The following CEP57 variants were observed in gnomAD, a reference collection of about 807,000 sequenced individuals.
The protein encoded by CEP57 is centrosomal protein 57.
A neutral mutation model predicts 68.0 loss-of-function variants in CEP57; 40 were observed. The ratio of observed to expected loss-of-function variants is 0.59; its 90% CI spans 0.46 to 0.77. The LOEUF is 0.77. Among genes scored for constraint, CEP57 ranks in the 30% least tolerant of loss-of-function variants. The pLI, the probability that CEP57 is intolerant of heterozygous loss-of-function variation, is 0.00. For missense variants in CEP57, 606 were observed against 580.7 expected, an observed-to-expected ratio of 1.04 and a Z score of -0.45; for synonymous variants, 219 against 198.7, an observed-to-expected ratio of 1.10 and a Z score of -0.86.
At chr11:95,817,209 T>C (rs1003929684) in intron 4 of CEP57, among the ~76,000 whole-genome samples, 2 of 146,834 alleles carry the variant, frequency 1.4e-5, no homozygotes, top group African/African-American at 5.1e-5. Context: ...CTACTAAAAA[T>C]ACAAAAAATT....
upstream of CEP57, chr11:95,790,429 C>T (rs1860959005): frequency 1.8e-6 from 1 of 555,004 alleles, no homozygotes; most frequent in African/African-American, 1.9e-5. Context: ...GAGGCGGATT[C>T]TCTCCTACTA....
rs538950619 is a variant in CEP57 at position 95,821,777 on chromosome 11, A to G, written c.700-94A>G. 453 of 817,242 alleles carry G rather than the reference A, an allele frequency of 5.5e-4. 1 individual carries two copies. The East Asian group carries it at 0.011, about 20-fold the overall frequency. 50.6% of individuals were successfully genotyped at this position (817,242 alleles called of 1,614,324 possible). A position where few individuals can be genotyped will look rare whatever the true frequency, so the allele number is the denominator to read the frequency against. On this transcript the variant is annotated intron_variant, in intron 6 of 10. Transcript: ENST00000325542. ...ATATGTTTTTCAGTTAGATACTACCATTGGTTTTTACAGGCTTTTTACATG... is the reference window on the plus strand; with the variant it reads ...ATATGTTTTTCAGTTAGATACTACCGTTGGTTTTTACAGGCTTTTTACATG...
chr11:95,794,262 T>C (rs1369740237), intron 1 of CEP57: 1 of 455,740 alleles, frequency 2.2e-6, no homozygotes, highest in Non-Finnish European at 4.4e-6. Flanking sequence ...TAGTGGGTCA[T>C]GGAATATGTA....
chr11:95,809,305 G>C (rs1430341841), intron 2 of CEP57, among the ~76,000 whole-genome samples: 2 of 152,052 alleles, frequency 1.3e-5, no homozygotes, highest in Non-Finnish European at 2.9e-5. Flanking sequence ...AGAAAAGCAA[G>C]AGCAAACACA....
At position 95,829,206 on chromosome 11, in the gene CEP57, A is replaced by G. The variant is rs370861671; in HGVS notation, c.1147A>G (p.Lys383Glu). The G allele has an allele frequency of 2.5e-6, 4 of 1,613,906 alleles. No homozygotes were observed. Among genetic ancestry groups the G allele is most frequent in the African/African-American group, 2.7e-5 (2 of 74,904 alleles). ...ATATAGTGATCACCAGCAGCTTGCA[A>G]AACTTATCCAGGAGTCGCCAACCGT... ...QMSFDHQQLA[K>E]LIQESPTVEL... The change falls in exon 10 of 11, where the codon AAA (lysine) becomes GAA (glutamate). Residue 383 changes from lysine (K) to glutamate (E), a missense_variant. Transcript: ENST00000325542.
rs147448961 is a variant in CEP57, at chr11:95,790,648, G to A, written c.-51G>A. ...GCTCCCGAGTCTTGGAGAAGAGCAC[G>A]AGAACCTAGACCGCCCCCGAAGTGC... On this transcript the variant is annotated 5_prime_UTR_variant, in exon 1 of 11. Coordinates refer to ENST00000325542, the MANE Select transcript of CEP57 (RefSeq NM_014679.5). The A allele has an allele frequency of 6.2e-7, 1 of 1,602,982 alleles. No homozygotes were observed. The highest frequency in any genetic ancestry group is 8.5e-7 in the Non-Finnish European group (1 of 1,174,410).
At chr11:95,791,250 G>C (rs1476477765) in intron 1 of CEP57, among the ~76,000 whole-genome samples, 2 of 152,170 alleles carry the variant, frequency 1.3e-5, no homozygotes, top group East Asian at 3.8e-4. Context: ...TAACTTCGTT[G>C]TGTGATGCTC....
chr11:95,813,557 G>A lies in CEP57; in HGVS notation c.472G>A (p.Glu158Lys), dbSNP rs761049103. ...CATGCGAAATATGATAAAGCATGCC[G>A]AAATGGAGAGGACATCTGTCTTAGA... The part of the protein sequence containing the change: ...EYMRNMIKHA[E>K]MERTSVLEKQ... Residue 158 changes from glutamate to lysine, a missense_variant, in exon 4 of 11, where the codon GAA becomes AAA. Glu to Lys is a moderately conservative substitution (Grantham distance 56, BLOSUM62 1). Coordinates refer to ENST00000325542, the MANE Select transcript of CEP57 (RefSeq NM_014679.5). 1.1e-5 allele frequency: 17 copies of A among 1,613,018 alleles called. No homozygotes were observed. The highest frequency in any genetic ancestry group is 4.5e-5 in the East Asian group (2 of 44,842).
intron 1 of CEP57, among the ~76,000 whole-genome samples, chr11:95,794,773 T>C (rs1861269101): frequency 6.6e-6 from 1 of 152,154 alleles, no homozygotes; most frequent in South Asian, 2.1e-4. Context: ...AAGGCCTTGG[T>C]TGTATTCTTC....
chr11:95,824,653 C>T (rs1317340795), intron 8 of CEP57, among the ~76,000 whole-genome samples: 13 of 152,142 alleles, frequency 8.5e-5, no homozygotes, highest in Non-Finnish European at 2.9e-5. Context: ...TTAATGCAGA[C>T]AGAAGTACCC....
chr11:95,800,549 G>A (rs1016804160), intron 2 of CEP57, among the ~76,000 whole-genome samples: 1 of 151,848 alleles, frequency 6.6e-6, no homozygotes, highest in East Asian at 1.9e-4. Context: ...CTACAGACGC[G>A]CCCAGCTAGT....
chr11:95,790,421 G>C (rs188204115), upstream of CEP57: 877 of 544,096 alleles, frequency 1.6e-3, 18 homozygotes, highest in Admixed American at 0.025. Context: ...CCAGGGAAGA[G>C]GCGGATTCTC....
At chr11:95,812,602 C>T (rs1862116781) in intron 2 of CEP57, among the ~76,000 whole-genome samples, 1 of 151,972 alleles carries the variant, frequency 6.6e-6, no homozygotes, top group Admixed American at 6.6e-5. Context: ...GCCACTATGC[C>T]TGCCTAATTT....
intron 2 of CEP57, among the ~76,000 whole-genome samples, chr11:95,806,239 A>G (rs1210012542): frequency 6.6e-6 from 1 of 152,200 alleles, no homozygotes; most frequent in African/African-American, 2.4e-5. Context: ...ATAAGGAAAT[A>G]AAGAACAACT....
intron 2 of CEP57, 133 bp downstream of exon 2, chr11:95,799,521 ATAT>A (rs1861486026): frequency 2.8e-6 from 3 of 1,068,492 alleles, no homozygotes; most frequent in Non-Finnish European, 2.8e-6. Context: ...CCCCCAGAAA[ATAT>A]TATGCTTTTC....
intron 1 of CEP57, among the ~76,000 whole-genome samples, chr11:95,791,019 A>C (rs1045676986): frequency 2.0e-4 from 30 of 152,154 alleles, no homozygotes; most frequent in South Asian, 4.1e-4. Flanking sequence ...AACATTCCCA[A>C]GGGCCGGCTG....
intron 2 of CEP57, among the ~76,000 whole-genome samples, chr11:95,802,255 ATTTTTTTTTTT>A (rs1054489399): frequency 6.1e-4 from 85 of 138,274 alleles, no homozygotes; most frequent in African/African-American, 2.0e-3. Context: ...ACGTGACATG[ATTTTTTTTTTT>A]TTTTTTTTGA....
chr11:95,809,085 C>T (rs1861936827), intron 2 of CEP57, among the ~76,000 whole-genome samples: 1 of 152,150 alleles, frequency 6.6e-6, no homozygotes, highest in Non-Finnish European at 1.5e-5. Context: ...AAGTGAACAA[C>T]CTGCTCCTGA....
In CEP57 at chr11:95,831,247, G is replaced by C; in HGVS notation, c.1494G>C (p.Trp498Cys). ...QNSLQSSSLC[W>C]DY ...CATTACAAAGCAGTAGTTTGTGTTGGGATTACTGACTCATAACCAGGTCAG... is the reference window on the plus strand; with the variant it reads ...CATTACAAAGCAGTAGTTTGTGTTGCGATTACTGACTCATAACCAGGTCAG... The change falls in exon 11 of 11, where the codon TGG (tryptophan) becomes TGC (cysteine). Residue 498 changes from tryptophan to cysteine, a missense_variant. By Grantham distance (215) the Trp-to-Cys change is radical. Transcript: ENST00000325542. 6.2e-7 allele frequency: 1 copy of C among 1,609,316 alleles called. No individual in the cohort carries two copies.
Sources: allele counts gnomAD v4.1 joint callset (sites outside exome capture counted in the v4.1 genomes callset), GRCh38; gene constraint gnomAD v4.1.1; transcripts MANE v1.5; gene names NCBI Gene and HGNC (gene_info 2026-07-23, HGNC 2026-07-21).